The following PSD3 variants were observed in gnomAD, a reference collection of about 807,000 sequenced individuals.
PSD3 encodes the protein pleckstrin and Sec7 domain containing 3, also known as PH and SEC7 domain-containing protein 3.
PSD3 carries 49 observed loss-of-function variants against 105.5 expected under a neutral mutation model. That is an observed-to-expected ratio of 0.46 (90% confidence interval 0.37 to 0.59). The LOEUF (loss-of-function observed/expected upper bound fraction) is 0.59. Ranked by LOEUF, PSD3 falls within the 20% of genes least tolerant of loss-of-function variation. The pLI is 0.00. For synonymous variants in PSD3, 557 were observed against 457.8 expected (o/e 1.22, Z -2.77); for missense variants, 1,561 against 1,263.8 (o/e 1.24, Z -3.57).
chr8:19,007,569 C>G (rs376723686), intron 1 of PSD3, among the ~76,000 whole-genome samples: 1 of 152,030 alleles, frequency 6.6e-6, no homozygotes, highest in Non-Finnish European at 1.5e-5. Flanking sequence ...ATAAAGTTCA[C>G]AAGTTCTGAG....
At chr8:18,955,756 T>TTTTATTTA (rs150325859) in intron 1 of PSD3, among the ~76,000 whole-genome samples, 18,008 of 149,636 alleles carry the variant, frequency 0.12, 1,322 homozygotes, top group Non-Finnish European at 0.17. Context: ...TCTTAGCATA[T>TTTTATTTA]TTTATTTATT....
chr8:18,913,631 T>A (rs1325893147), intron 2 of PSD3, among the ~76,000 whole-genome samples: 3 of 151,926 alleles, frequency 2.0e-5, no homozygotes. Flanking sequence ...CCCAGGCCCA[T>A]CCCTAGGGAC....
At chr8:18,650,568 A>G (rs925800412) in intron 10 of PSD3, among the ~76,000 whole-genome samples, 3 of 152,168 alleles carry the variant, frequency 2.0e-5, no homozygotes, top group Non-Finnish European at 2.9e-5. Flanking sequence ...TTGTATTTTT[A>G]TCTTTGTACA....
intron 10 of PSD3, among the ~76,000 whole-genome samples, chr8:18,654,025 G>C (rs952707970): frequency 1.3e-5 from 2 of 152,060 alleles, no homozygotes; most frequent in African/African-American, 4.8e-5. Flanking sequence ...TAAGCCTAAA[G>C]AAGAATGATC....
chr8:18,861,938 C>T (rs995417176), intron 4 of PSD3, among the ~76,000 whole-genome samples: 1 of 152,050 alleles, frequency 6.6e-6, no homozygotes, highest in African/African-American at 2.4e-5. Flanking sequence ...TCAGTCTCAA[C>T]CCTCCAGGTT....
intron 8 of PSD3, among the ~76,000 whole-genome samples, chr8:18,769,663 C>T (rs1404449905): frequency 6.6e-6 from 1 of 152,190 alleles, no homozygotes; most frequent in African/African-American, 2.4e-5. Context: ...GACCACCTGG[C>T]AAGCACAAAT....
chr8:18,583,664 G>C (rs183704232), intron 12 of PSD3, among the ~76,000 whole-genome samples: 1 of 152,118 alleles, frequency 6.6e-6, no homozygotes, highest in Admixed American at 6.5e-5. Flanking sequence ...TGTGGGGTTA[G>C]ATATCACTTT....
At chr8:18,718,282 A>G (rs1321296549) in intron 9 of PSD3, among the ~76,000 whole-genome samples, 1 of 152,212 alleles carries the variant, frequency 6.6e-6, no homozygotes, top group Non-Finnish European at 1.5e-5. Context: ...AATCACAGCA[A>G]TATTTACCTA....
rs142601813 is a variant in PSD3, at chr8:18,630,585, A to G, written c.2410+2028T>C. On this transcript the variant is annotated intron_variant, in intron 11 of 15. Transcript: ENST00000327040. ...TAACTGTGCTATATACCTGTCTAGCAGGAAGTAGTAAATACTCCGAATAAG... is the reference window on the plus strand; with the variant it reads ...TAACTGTGCTATATACCTGTCTAGCGGGAAGTAGTAAATACTCCGAATAAG... Among the ~76,000 whole-genome samples the G allele has an allele frequency of 4.2e-3, 642 of 152,130 alleles. 6 individuals are homozygous for G. The highest frequency in any genetic ancestry group is 0.015 in the African/African-American group (615 of 41,528).
At chr8:18,775,209 G>T in intron 8 of PSD3, among the ~76,000 whole-genome samples, 1 of 152,148 alleles carries the variant, frequency 6.6e-6, no homozygotes, top group Middle Eastern at 3.4e-3. Flanking sequence ...TTCTATGGCC[G>T]AGTAATATTC....
At chr8:18,706,486 T>C (rs1192947341) in intron 9 of PSD3, among the ~76,000 whole-genome samples, 1 of 152,232 alleles carries the variant, frequency 6.6e-6, no homozygotes, top group Non-Finnish European at 1.5e-5. Flanking sequence ...GTCATTTCAA[T>C]ATCCAAAGAA....
intron 4 of PSD3, among the ~76,000 whole-genome samples, chr8:18,813,938 T>C (rs1811945538): frequency 6.6e-6 from 1 of 152,170 alleles, no homozygotes; most frequent in African/African-American, 2.4e-5. Flanking sequence ...ACCAGCATCA[T>C]TAAGGTTATG....
At chr8:18,839,052 G>A (rs575524218) in intron 4 of PSD3, among the ~76,000 whole-genome samples, 1 of 151,716 alleles carries the variant, frequency 6.6e-6, no homozygotes, top group Non-Finnish European at 1.5e-5. Context: ...GCAGAAGGGA[G>A]AGGCCTTTAA....
At chr8:18,878,824 C>A (rs1214991774) in intron 2 of PSD3, among the ~76,000 whole-genome samples, 25 of 152,054 alleles carry the variant, frequency 1.6e-4, no homozygotes, top group Admixed American at 1.6e-3. Flanking sequence ...GTTACTCACG[C>A]CTTAAAGCTT....
intron 12 of PSD3, among the ~76,000 whole-genome samples, chr8:18,594,135 TA>T (rs1417769206): frequency 0.016 from 831 of 52,810 alleles, 139 homozygotes; most frequent in African/African-American, 0.055. Context: ...ATATATATTA[TA>T]TATATATTAT....
intron 10 of PSD3, among the ~76,000 whole-genome samples, chr8:18,654,830 G>A (rs1436932033): frequency 2.0e-5 from 3 of 151,916 alleles, no homozygotes; most frequent in Non-Finnish European, 4.4e-5. Context: ...TTTTTTGGTT[G>A]CTGTTGTTGT....
At chr8:18,866,778 GC>G (rs1251318902) in intron 4 of PSD3, among the ~76,000 whole-genome samples, 4 of 148,052 alleles carry the variant, frequency 2.7e-5, no homozygotes, top group African/African-American at 1.0e-4. Flanking sequence ...ATTAATACTG[GC>G]TTTTTTTTTT....
chr8:19,072,889 G>C (rs376041788), intron 1 of PSD3, among the ~76,000 whole-genome samples: 1 of 152,170 alleles, frequency 6.6e-6, no homozygotes, highest in African/African-American at 2.4e-5. Flanking sequence ...TCAAGTGAAC[G>C]TGAAAATGCA....
rs141835358 is a variant in PSD3, at chr8:18,804,616, G to C, written c.1830-14C>G. On this transcript the variant is annotated splice_polypyrimidine_tract_variant and intron_variant, in intron 5 of 15. Transcript: ENST00000327040. ...CTAAATTCGTTGCTATAAGAAAACA[G>C]AATAGACTTGGTTATTGAAAGGTAA... The C allele has an allele frequency of 2.5e-6, 4 of 1,611,430 alleles. No individual in the cohort carries two copies. In the African/African-American group the frequency reaches 4.0e-5, roughly 16 times the overall value.
Sources: gnomAD v4.1 joint callset for allele counts (sites outside exome capture counted in the v4.1 genomes callset) on GRCh38, gnomAD v4.1.1 for gene constraint, MANE v1.5 for transcripts, NCBI Gene and HGNC (gene_info 2026-07-23, HGNC 2026-07-21) for gene names.